Variants in RNFT2 observed in about 807,000 individuals in gnomAD.
RNFT2 encodes ring finger protein, transmembrane 2.
RNFT2 carries 36 observed loss-of-function variants against 53.0 expected under a neutral mutation model. The ratio of observed to expected loss-of-function variants is 0.68; its 90% CI spans 0.52 to 0.90. The LOEUF is 0.90. Ranked by LOEUF, RNFT2 falls within the 40% of genes least tolerant of loss-of-function variation. The probability of loss-of-function intolerance (pLI) is 0.00; values close to 1 mark genes in which losing one functional copy is unlikely to be tolerated. For synonymous variants in RNFT2, 260 were observed against 253.2 expected (o/e 1.03, Z -0.26); for missense variants, 514 against 585.6 (o/e 0.88, Z 1.26).
chr12:116,738,817 T>A (rs967720863), intron 1 of RNFT2: 5 of 152,160 alleles, frequency 3.3e-5, no homozygotes, highest in Non-Finnish European at 5.9e-5. Flanking sequence ...ATTTAGGAGT[T>A]AAATGTGTGG....
intron 7 of RNFT2, among the ~76,000 whole-genome samples, chr12:116,823,608 C>T (rs1361897766): frequency 1.3e-5 from 2 of 152,150 alleles, no homozygotes; most frequent in Non-Finnish European, 2.9e-5. Flanking sequence ...TGCTTGAACC[C>T]GGAAGGCGGT....
rs1877984882 is a variant in RNFT2, at chr12:116,852,668, A to C, written c.*3220A>C. The stretch of plus-strand genomic sequence containing the variant: ...CCTGCAGATGCTGTTGAAGGGGCAC[A>C]AGAAATTGGAGCTGGAGAAGATTGA... On this transcript the variant is annotated 3_prime_UTR_variant, in exon 11 of 11. Transcript: ENST00000257575. The C allele has an allele frequency of 3.7e-6, 6 of 1,613,926 alleles. No homozygotes were observed. Among genetic ancestry groups the C allele is most frequent in the Non-Finnish European group, 5.1e-6 (6 of 1,179,910 alleles).
intron 10 of RNFT2, among the ~76,000 whole-genome samples, chr12:116,845,880 T>C (rs1448137922): frequency 1.3e-5 from 2 of 152,162 alleles, no homozygotes; most frequent in African/African-American, 4.8e-5. Context: ...CTCAGGAGCT[T>C]TGCACAGGAG....
At chr12:116,776,264 G>C (rs375987284) in intron 6 of RNFT2, among the ~76,000 whole-genome samples, 1 of 152,126 alleles carries the variant, frequency 6.6e-6, no homozygotes, top group South Asian at 2.1e-4. Flanking sequence ...CAGATAGATG[G>C]ATTGAACACC....
At chr12:116,742,692 C>T (rs1484276045) in intron 3 of RNFT2, among the ~76,000 whole-genome samples, 1 of 152,086 alleles carries the variant, frequency 6.6e-6, no homozygotes, top group Non-Finnish European at 1.5e-5. Flanking sequence ...CCTGTAATCC[C>T]AACACTTTGG....
chr12:116,809,882 C>T (rs1332352012), intron 7 of RNFT2, among the ~76,000 whole-genome samples: 1 of 152,104 alleles, frequency 6.6e-6, no homozygotes, highest in Non-Finnish European at 1.5e-5. Flanking sequence ...ACCATGTTGG[C>T]CAGGCTGGTC....
At chr12:116,781,646 C>T (rs1566079352) in intron 7 of RNFT2, among the ~76,000 whole-genome samples, 1 of 152,114 alleles carries the variant, frequency 6.6e-6, no homozygotes. Flanking sequence ...GATTCTCGCC[C>T]TCCTGCCTTC....
chr12:116,786,799 A>C (rs1873955534), intron 7 of RNFT2, among the ~76,000 whole-genome samples: 1 of 152,208 alleles, frequency 6.6e-6, no homozygotes, highest in African/African-American at 2.4e-5. Context: ...TCAAGGTGTC[A>C]GCGGGGCTGC....
At chr12:116,783,251 C>T (rs1405488858) in intron 7 of RNFT2, among the ~76,000 whole-genome samples, 3 of 152,168 alleles carry the variant, frequency 2.0e-5, no homozygotes, top group Non-Finnish European at 4.4e-5. Flanking sequence ...AGGGTTTCTC[C>T]CAGCTGTCTG....
rs189371271 is a variant in RNFT2 at position 116,851,387 on chromosome 12, G to A, written c.*1939G>A. 563 of 290,740 alleles carry A rather than the reference G, an allele frequency of 1.9e-3. No individual in the cohort carries two copies. Among genetic ancestry groups the A allele is most frequent in the African/African-American group, 0.011 (496 of 46,372 alleles). 18.0% of individuals were successfully genotyped at this position (290,740 alleles called of 1,614,324 possible). On this transcript the variant is annotated 3_prime_UTR_variant, in exon 11 of 11. Transcript: ENST00000257575. ...AGCAGAGCCCGCACTCTTAACCTCC[G>A]CACTGCTCTGCCCCTCAGACATTCC... is the stretch of plus-strand genomic sequence containing the variant.
At chr12:116,760,347 C>T (rs1267667277) in intron 5 of RNFT2, among the ~76,000 whole-genome samples, 3 of 152,136 alleles carry the variant, frequency 2.0e-5, no homozygotes, top group Non-Finnish European at 1.5e-5. Context: ...TGCACCCTCC[C>T]CTGAGTTCTG....
chr12:116,796,989 T>C lies in RNFT2; in HGVS notation c.882+17641T>C, dbSNP rs138101207. The stretch of plus-strand genomic sequence containing the variant: ...ACCATTGGAGGGGGTGTGCTACTGG[T>C]ATTTAGTGGACAGAGACCAGGGGTG... On this transcript the variant is annotated intron_variant, in intron 7 of 10. Transcript: ENST00000257575. Among the ~76,000 whole-genome samples, 6 of 152,308 alleles carry C rather than the reference T, an allele frequency of 3.9e-5. No individual in the cohort carries two copies. In the East Asian group the frequency reaches 5.8e-4, roughly 15 times the overall value.
At chr12:116,813,184 C>T (rs1166804413) in intron 7 of RNFT2, among the ~76,000 whole-genome samples, 1 of 151,830 alleles carries the variant, frequency 6.6e-6, no homozygotes, top group Admixed American at 6.6e-5. Context: ...GCCTTGAACT[C>T]TTGGTCTCAA....
chr12:116,792,640 T>C (rs1160450710), intron 7 of RNFT2, among the ~76,000 whole-genome samples: 1 of 152,156 alleles, frequency 6.6e-6, no homozygotes, highest in Non-Finnish European at 1.5e-5. Context: ...TAGAAAGTGA[T>C]GTGAATAGTC....
chr12:116,826,895 A>G (rs1028394323), intron 7 of RNFT2, among the ~76,000 whole-genome samples: 3 of 152,172 alleles, frequency 2.0e-5, no homozygotes, highest in Non-Finnish European at 4.4e-5. Context: ...GATAGTAAAA[A>G]TAATTTTTTA....
intron 7 of RNFT2, among the ~76,000 whole-genome samples, chr12:116,831,315 T>C (rs909372065): frequency 8.5e-5 from 13 of 152,210 alleles, no homozygotes; most frequent in African/African-American, 3.1e-4. Flanking sequence ...ACAGAAGTGA[T>C]ACTGTGTCTT....
chr12:116,812,121 G>A (rs1875411048), intron 7 of RNFT2, among the ~76,000 whole-genome samples: 1 of 152,136 alleles, frequency 6.6e-6, no homozygotes, highest in Non-Finnish European at 1.5e-5. Flanking sequence ...CAGCTGTTGG[G>A]ATAAGACCTG....
At chr12:116,820,992 T>G (rs1049994846) in intron 7 of RNFT2, among the ~76,000 whole-genome samples, 4 of 152,134 alleles carry the variant, frequency 2.6e-5, no homozygotes, top group Non-Finnish European at 5.9e-5. Context: ...GCCTCTGTGT[T>G]TGAGCTTTCT....
At chr12:116,807,855 GT>G (rs200616633) in intron 7 of RNFT2, among the ~76,000 whole-genome samples, 6,088 of 152,182 alleles carry the variant, frequency 0.04, 262 homozygotes, top group East Asian at 0.14. Context: ...CCAAACCGGT[GT>G]GCTTTGATGC....
Sources: gnomAD v4.1 joint callset for allele counts (sites outside exome capture counted in the v4.1 genomes callset) on GRCh38, gnomAD v4.1.1 for gene constraint, MANE v1.5 for transcripts, NCBI Gene and HGNC (gene_info 2026-07-23, HGNC 2026-07-21) for gene names.